Variants in SOX5 observed in about 807,000 individuals in gnomAD.
The protein encoded by SOX5 is transcription factor SOX-5.
In SOX5, 9 loss-of-function variants were observed where a neutral mutation model predicts 92.0. The ratio of observed to expected loss-of-function variants is 0.10; its 90% CI spans 0.06 to 0.17. The LOEUF is 0.17. Among genes scored for constraint, SOX5 ranks in the 10% least tolerant of loss-of-function variants. The pLI is 1.00. For missense variants in SOX5, 642 were observed against 944.5 expected (o/e 0.68, Z 4.20); for synonymous variants, 344 against 336.3 (o/e 1.02, Z -0.25).
chr12:24,023,038 G>A (rs564608107), intron 4 of SOX5, among the ~76,000 whole-genome samples: 50 of 152,062 alleles, frequency 3.3e-4, no homozygotes, highest in South Asian at 8.3e-4. Context: ...AAGGTGTAAT[G>A]GCAGTGCTTT....
chr12:23,892,549 T>A (rs1374268586), intron 2 of SOX5, among the ~76,000 whole-genome samples: 1 of 152,192 alleles, frequency 6.6e-6, no homozygotes. Flanking sequence ...CCAAGTCATT[T>A]ATCAGGAAAC....
At chr12:23,897,425 T>G (rs2097188540) in intron 1 of SOX5, among the ~76,000 whole-genome samples, 1 of 152,188 alleles carries the variant, frequency 6.6e-6, no homozygotes, top group South Asian at 2.1e-4. Context: ...TGTCACTTAC[T>G]AGCTGAGACT....
intron 1 of SOX5, among the ~76,000 whole-genome samples, chr12:24,482,755 T>C (rs1208396874): frequency 2.0e-5 from 3 of 152,178 alleles, no homozygotes; most frequent in Non-Finnish European, 4.4e-5. Context: ...AAGGACTACA[T>C]AGAGCAAAGA....
chr12:24,087,901 T>TC (rs1199616157), intron 4 of SOX5, among the ~76,000 whole-genome samples: 3 of 151,982 alleles, frequency 2.0e-5, no homozygotes, highest in African/African-American at 7.2e-5. Context: ...CTCTTATTTC[T>TC]CCCCCTTACT....
In SOX5 at chr12:23,592,684, T is replaced by C. The variant is rs1044931717; in HGVS notation, c.1164+11703A>G. Among the ~76,000 whole-genome samples the C allele has an allele frequency of 6.6e-5, 10 of 152,210 alleles. No homozygotes were observed. The East Asian group carries it at 1.3e-3, about 20-fold the overall frequency. ...AATTCTGAACCATTGAGAGTGCATG[T>C]TTCAAATTTAATATTGATAAGCTGA... is the stretch of plus-strand genomic sequence containing the variant. On this transcript the variant is annotated intron_variant, in intron 9 of 14. Transcript: ENST00000451604.
intron 4 of SOX5, among the ~76,000 whole-genome samples, chr12:24,010,039 T>G (rs371643910): frequency 6.6e-6 from 1 of 152,196 alleles, no homozygotes; most frequent in Non-Finnish European, 1.5e-5. Context: ...CACCCAAATC[T>G]AGTCCAAGCT....
At chr12:23,552,096 C>T (rs1472691957) in intron 11 of SOX5, among the ~76,000 whole-genome samples, 1 of 151,738 alleles carries the variant, frequency 6.6e-6, no homozygotes. Flanking sequence ...ACTGATGAAT[C>T]CTTATTAATG....
At chr12:24,356,875 A>C (rs1954899838) in intron 2 of SOX5, among the ~76,000 whole-genome samples, 1 of 152,242 alleles carries the variant, frequency 6.6e-6, no homozygotes, top group African/African-American at 2.4e-5. Flanking sequence ...CATCGGTTAC[A>C]TGTTATATCT....
chr12:23,668,677 T>C (rs1358411443), intron 6 of SOX5, among the ~76,000 whole-genome samples: 1 of 152,202 alleles, frequency 6.6e-6, no homozygotes, highest in Non-Finnish European at 1.5e-5. Flanking sequence ...TGACATTTAT[T>C]AAGTTTCAAC....
chr12:23,977,649 G>C (rs1949063659), intron 4 of SOX5, among the ~76,000 whole-genome samples: 1 of 123,272 alleles, frequency 8.1e-6, no homozygotes, highest in Non-Finnish European at 1.7e-5. Context: ...CTGGTCGAGA[G>C]TCTCGTTCTG....
chr12:24,308,301 C>T (rs1020347428), intron 2 of SOX5, among the ~76,000 whole-genome samples: 4 of 152,158 alleles, frequency 2.6e-5, no homozygotes, highest in Non-Finnish European at 4.4e-5. Flanking sequence ...ACGCAAGACC[C>T]GGGAAGTATA....
At chr12:23,885,766 A>G (rs1378927220) in intron 2 of SOX5, among the ~76,000 whole-genome samples, 1 of 152,150 alleles carries the variant, frequency 6.6e-6, no homozygotes. Flanking sequence ...TTGTCACCTT[A>G]AGTTAGGTTT....
At chr12:24,268,114 C>T (rs17498521) in intron 3 of SOX5, among the ~76,000 whole-genome samples, 5 of 151,994 alleles carry the variant, frequency 3.3e-5, no homozygotes, top group Non-Finnish European at 7.4e-5. Flanking sequence ...AGTTGATGTA[C>T]GTTTTGAAAT....
At chr12:24,354,848 G>T (rs762582250) in intron 2 of SOX5, among the ~76,000 whole-genome samples, 2 of 152,090 alleles carry the variant, frequency 1.3e-5, no homozygotes, top group South Asian at 2.1e-4. Flanking sequence ...GATTAAATTT[G>T]TGCGACTGGT....
At chr12:23,548,840 C>T (rs544257476) in intron 11 of SOX5, among the ~76,000 whole-genome samples, 1 of 151,814 alleles carries the variant, frequency 6.6e-6, no homozygotes, top group South Asian at 2.1e-4. Context: ...TATTGAACCA[C>T]CAAAAGAATG....
At chr12:24,349,877 C>T (rs1953853219) in intron 2 of SOX5, among the ~76,000 whole-genome samples, 1 of 152,134 alleles carries the variant, frequency 6.6e-6, no homozygotes, top group African/African-American at 2.4e-5. Flanking sequence ...TAGACAGCAG[C>T]TATATCATTT....
chr12:23,697,490 T>C (rs891306649), intron 6 of SOX5, among the ~76,000 whole-genome samples: 2 of 152,234 alleles, frequency 1.3e-5, no homozygotes, highest in African/African-American at 2.4e-5. Context: ...CCTTCTTTTT[T>C]GTTAACTTGA....
chr12:24,418,364 A>G (rs1965380727), intron 1 of SOX5, among the ~76,000 whole-genome samples: 1 of 152,238 alleles, frequency 6.6e-6, no homozygotes. Context: ...TTGTAAATCC[A>G]GGCCTAAGCC....
chr12:23,587,178 T>A (rs1950872309), intron 9 of SOX5, among the ~76,000 whole-genome samples: 1 of 152,032 alleles, frequency 6.6e-6, no homozygotes, highest in South Asian at 2.1e-4. Flanking sequence ...ATTATATAGC[T>A]CTTCACTTTT....
Sources: gnomAD v4.1 joint callset for allele counts (sites outside exome capture counted in the v4.1 genomes callset) on GRCh38, gnomAD v4.1.1 for gene constraint, MANE v1.5 for transcripts, NCBI Gene and HGNC (gene_info 2026-07-23, HGNC 2026-07-21) for gene names.